MPDZ: variants seen among roughly 807,000 people sequenced by gnomAD.
MPDZ encodes multiple PDZ domain protein.
A neutral mutation model predicts 239.1 loss-of-function variants in MPDZ; 234 were observed. That is an observed-to-expected ratio of 0.98 (90% CI 0.88 to 1.09). The LOEUF is 1.09. MPDZ is among the 50% of genes least tolerant of loss of function. The pLI, the probability that MPDZ is intolerant of heterozygous loss-of-function variation, is 0.00. For synonymous variants in MPDZ, 1,048 were observed against 881.3 expected, an observed-to-expected ratio of 1.19 and a Z score of -3.35; for missense variants, 3,175 against 2,510.0, an observed-to-expected ratio of 1.26 and a Z score of -5.66.
At chr9:13,114,136 G>C in intron 40 of MPDZ, 115 bp from the exon 41 acceptor site, 1 of 801,708 alleles carries the variant, frequency 1.2e-6, no homozygotes, top group Non-Finnish European at 2.0e-6. Context: ...AGTGGCATTT[G>C]ATAATTTGAT....
At chr9:13,270,671 C>T (rs1325215377) in intron 1 of MPDZ, among the ~76,000 whole-genome samples, 2 of 151,660 alleles carry the variant, frequency 1.3e-5, no homozygotes, top group African/African-American at 4.8e-5. Context: ...ATTAATTTCA[C>T]CTACTTCTGC....
chr9:13,140,203 C>T, intron 27 of MPDZ, 54 bp from the exon 28 acceptor site: 2 of 1,545,400 alleles, frequency 1.3e-6, no homozygotes, highest in Non-Finnish European at 1.7e-6. Flanking sequence ...AAGAAAACTT[C>T]AAGAAGAAGA....
intron 1 of MPDZ, among the ~76,000 whole-genome samples, chr9:13,268,674 TGGA>T (rs1171530743): frequency 6.6e-6 from 1 of 152,002 alleles, no homozygotes; most frequent in Non-Finnish European, 1.5e-5. Context: ...AAGGAGAGTG[TGGA>T]GGAGAGCAGT....
chr9:13,132,436 A>C (rs569861047), intron 32 of MPDZ, among the ~76,000 whole-genome samples: 2 of 152,274 alleles, frequency 1.3e-5, no homozygotes, highest in African/African-American at 4.8e-5. Context: ...ATCTGTTTGG[A>C]AATGAACGTC....
At chr9:13,278,039 G>GTT (rs1168349449) in intron 1 of MPDZ, among the ~76,000 whole-genome samples, 1 of 152,130 alleles carries the variant, frequency 6.6e-6, no homozygotes, top group African/African-American at 2.4e-5. Flanking sequence ...CTCCTCGTTA[G>GTT]TTTTCAGATA....
intron 1 of MPDZ, among the ~76,000 whole-genome samples, chr9:13,261,469 C>G (rs554569883): frequency 6.6e-6 from 1 of 152,182 alleles, no homozygotes; most frequent in Non-Finnish European, 1.5e-5. Context: ...AAAAAACCCT[C>G]TCAAATACCC....
intron 1 of MPDZ, among the ~76,000 whole-genome samples, chr9:13,265,973 T>C (rs542177505): frequency 6.6e-6 from 1 of 152,312 alleles, no homozygotes; most frequent in South Asian, 2.1e-4. Context: ...TTTCTAGGAC[T>C]TTCCCAACTC....
intron 1 of MPDZ, among the ~76,000 whole-genome samples, chr9:13,261,045 A>G (rs1970572827): frequency 6.6e-6 from 1 of 152,224 alleles, no homozygotes; most frequent in South Asian, 2.1e-4. Context: ...CTGACATGAA[A>G]AACATGAATG....
rs1406081718 is a variant in MPDZ at position 13,133,880 on chromosome 9, CAGA to C, written c.4405_4407del (p.Ser1469del). 1.9e-6 allele frequency: 3 copies of C among 1,593,770 alleles called. No individual in the cohort carries two copies. Among genetic ancestry groups the C allele is most frequent in the African/African-American group, 2.7e-5 (2 of 74,196 alleles). On this transcript the variant is annotated inframe_deletion, in exon 32 of 47. Transcript: ENST00000319217. ...AATGAACTGAGGTCCACAGCTGCAT[CAGA>C]AGTAGTAACAGTTGGCTCTGTCTGA...
At chr9:13,256,521 T>G (rs1239892627) in intron 1 of MPDZ, among the ~76,000 whole-genome samples, 1 of 152,190 alleles carries the variant, frequency 6.6e-6, no homozygotes, top group Non-Finnish European at 1.5e-5. Context: ...CTTAAACACT[T>G]AGAGGCTATT....
At chr9:13,223,763 G>C (rs143209039) in intron 4 of MPDZ, 53 bp from the exon 5 acceptor site, 1 of 1,513,488 alleles carries the variant, frequency 6.6e-7, no homozygotes, top group African/African-American at 1.4e-5. Context: ...CATGCATGGT[G>C]GTTCACGCCT....
At chr9:13,273,569 T>C (rs1973495691) in intron 1 of MPDZ, among the ~76,000 whole-genome samples, 1 of 152,280 alleles carries the variant, frequency 6.6e-6, no homozygotes, top group African/African-American at 2.4e-5. Context: ...ATTCAGATTA[T>C]CAAACACACC....
chr9:13,140,269 G>A, intron 27 of MPDZ, 120 bp from the exon 28 acceptor site: 1 of 822,594 alleles, frequency 1.2e-6, no homozygotes, highest in Non-Finnish European at 1.8e-6. Context: ...AACAAATAAT[G>A]GAAAGCTCAT....
At chr9:13,143,671 A>G in intron 26 of MPDZ, 107 bp from the exon 27 acceptor site, 1 of 800,986 alleles carries the variant, frequency 1.2e-6, no homozygotes, top group Non-Finnish European at 2.2e-6. Context: ...GTGTGAAACT[A>G]GATCCTATCA....
chr9:13,114,853 T>C (rs752916602), intron 40 of MPDZ, among the ~76,000 whole-genome samples: 9 of 152,160 alleles, frequency 5.9e-5, no homozygotes, highest in Non-Finnish European at 8.8e-5. Flanking sequence ...TGAGCTGAGA[T>C]TGTGCCACTG....
intron 24 of MPDZ, among the ~76,000 whole-genome samples, chr9:13,151,183 G>T (rs190582394): frequency 6.6e-6 from 1 of 151,938 alleles, no homozygotes; most frequent in Non-Finnish European, 1.5e-5. Flanking sequence ...AATGCAGAGC[G>T]TGTGAAACCC....
At chr9:13,271,032 G>T (rs1972834039) in intron 1 of MPDZ, among the ~76,000 whole-genome samples, 2 of 152,244 alleles carry the variant, frequency 1.3e-5, no homozygotes, top group African/African-American at 4.8e-5. Flanking sequence ...ACTGTGCTGT[G>T]CTTAAACTCT....
At chr9:13,256,998 G>C (rs1421361703) in intron 1 of MPDZ, among the ~76,000 whole-genome samples, 1 of 152,086 alleles carries the variant, frequency 6.6e-6, no homozygotes, top group Non-Finnish European at 1.5e-5. Flanking sequence ...GCATCTACTG[G>C]GGGTCTTGGA....
chr9:13,174,470 T>G (rs1952200164), intron 21 of MPDZ, among the ~76,000 whole-genome samples: 1 of 152,294 alleles, frequency 6.6e-6, no homozygotes, highest in South Asian at 2.1e-4. Flanking sequence ...CAATTAAATG[T>G]GAAAAATGCT....
Sources: gnomAD v4.1 joint callset for allele counts (sites outside exome capture counted in the v4.1 genomes callset) on GRCh38, gnomAD v4.1.1 for gene constraint, MANE v1.5 for transcripts, NCBI Gene and HGNC (gene_info 2026-07-23, HGNC 2026-07-21) for gene names.